Variants in FSTL4 observed in about 807,000 individuals in gnomAD.
FSTL4 encodes the protein follistatin-related protein 4.
In FSTL4, 28 loss-of-function variants were observed where a neutral mutation model predicts 78.2. That is an observed-to-expected ratio of 0.36 (90% CI 0.27 to 0.49). FSTL4 has a LOEUF of 0.49. Among genes scored for constraint, FSTL4 ranks in the 20% least tolerant of loss-of-function variants. The probability of loss-of-function intolerance (pLI) is 0.98; values close to 1 mark genes in which losing one functional copy is unlikely to be tolerated. For missense variants in FSTL4, 922 were observed against 1,084.9 expected, an observed-to-expected ratio of 0.85 and a Z score of 2.11; for synonymous variants, 422 against 440.5, an observed-to-expected ratio of 0.96 and a Z score of 0.53.
rs765284669 is a variant in FSTL4 at position 133,217,259 on chromosome 5, C to T, written c.1578G>A (p.Val526=). The change falls in exon 13 of 16, where the codon GTG becomes GTA. Residue 526 remains valine (V), a synonymous_variant. Transcript: ENST00000265342. ...VAQPALSRVL[V]VDIQAQKVLQ... is the part of the protein sequence containing the mutation. The stretch of plus-strand genomic sequence containing the variant: ...GGACTTTCTGGGCTTGGATGTCGAC[C>T]ACAAGGACTCTGCTCAGTGCTGGCT... 4.3e-6 allele frequency: 7 copies of T among 1,614,050 alleles called. No individual in the cohort carries two copies. The highest frequency in any genetic ancestry group is 1.1e-5 in the South Asian group (1 of 91,056).
At chr5:133,320,879 C>T (rs1179802643) in intron 4 of FSTL4, among the ~76,000 whole-genome samples, 9 of 151,814 alleles carry the variant, frequency 5.9e-5, no homozygotes, top group Admixed American at 2.0e-4. Flanking sequence ...TGGTGGCGGG[C>T]GCCTGTGGTC....
the FSTL4 span, among the ~76,000 whole-genome samples, chr5:133,793,144 C>T: frequency 6.6e-6 from 1 of 152,220 alleles, no homozygotes; most frequent in Non-Finnish European, 1.5e-5. Flanking sequence ...CCCTCAGGCT[C>T]TACATCCCTG....
the FSTL4 span, among the ~76,000 whole-genome samples, chr5:133,745,560 G>T: frequency 6.6e-6 from 1 of 152,202 alleles, no homozygotes; most frequent in Non-Finnish European, 1.5e-5. Context: ...AGTATAGCAG[G>T]TGGGCTGAAT....
At chr5:133,415,884 C>G (rs1004766256) in intron 3 of FSTL4, among the ~76,000 whole-genome samples, 1 of 152,288 alleles carries the variant, frequency 6.6e-6, no homozygotes, top group Middle Eastern at 3.4e-3. Flanking sequence ...TGTGGTTGGA[C>G]TGGCATTGGA....
chr5:133,689,352 A>G, the FSTL4 span, among the ~76,000 whole-genome samples: 1 of 152,026 alleles, frequency 6.6e-6, no homozygotes, highest in Non-Finnish European at 1.5e-5. Flanking sequence ...TGAACCCCAA[A>G]CTCGAGAGCA....
intron 8 of FSTL4, among the ~76,000 whole-genome samples, chr5:133,230,048 T>A (rs1183283328): frequency 6.6e-6 from 1 of 152,238 alleles, no homozygotes; most frequent in Non-Finnish European, 1.5e-5. Flanking sequence ...CCTGTCCTTT[T>A]ACTGGCGGTG....
At position 133,225,379 on chromosome 5, in the gene FSTL4, C is replaced by T; in HGVS notation, c.1178-95G>A. On this transcript the variant is annotated intron_variant, in intron 9 of 15. Coordinates refer to ENST00000265342, the MANE Select transcript of FSTL4 (RefSeq NM_015082.2). The surrounding 1 kb of genome is among the most constrained non-coding windows in gnomAD (Gnocchi z 4.6). ...TTGAGAGTGTTAGGGCTGCCCAGCC[C>T]CTGGGCAGCCAGCAGCCCTGATTAT... 1 of 1,444,226 alleles carries T rather than the reference C, an allele frequency of 6.9e-7. No individual in the cohort carries two copies. Among genetic ancestry groups the T allele is most frequent in the Non-Finnish European group, 9.6e-7 (1 of 1,042,752 alleles). 89.5% of individuals were successfully genotyped at this position (1,444,226 alleles called of 1,614,324 possible).
chr5:133,838,095 CA>C, the FSTL4 span, among the ~76,000 whole-genome samples: 1 of 152,062 alleles, frequency 6.6e-6, no homozygotes, highest in Non-Finnish European at 1.5e-5. Context: ...ACCATGTTGG[CA>C]AAGCTGGTCT....
At chr5:133,316,410 G>A in intron 5 of FSTL4, 49 bp downstream of exon 5, 2 of 1,488,916 alleles carry the variant, frequency 1.3e-6, no homozygotes, top group Non-Finnish European at 1.9e-6. Flanking sequence ...GTGGGAAATG[G>A]AAAACTGGAT....
chr5:133,394,519 G>GC (rs1755948798), intron 4 of FSTL4, among the ~76,000 whole-genome samples: 1 of 152,236 alleles, frequency 6.6e-6, no homozygotes, highest in African/African-American at 2.4e-5. Context: ...CGGAGGGTGC[G>GC]CCAGGTCCCC....
the FSTL4 span, among the ~76,000 whole-genome samples, chr5:133,663,701 G>A: frequency 6.6e-6 from 1 of 152,262 alleles, no homozygotes; most frequent in Non-Finnish European, 1.5e-5. Context: ...GGATAGAGAA[G>A]TTTGAGCAAG....
intron 3 of FSTL4, among the ~76,000 whole-genome samples, chr5:133,449,018 C>T (rs1757328174): frequency 6.6e-6 from 1 of 151,022 alleles, no homozygotes; most frequent in African/African-American, 2.4e-5. Flanking sequence ...CCTTCAGGCG[C>T]ATATATATAT....
intron 2 of FSTL4, among the ~76,000 whole-genome samples, chr5:133,569,952 G>C (rs927774026): frequency 2.0e-5 from 3 of 152,110 alleles, no homozygotes; most frequent in African/African-American, 7.2e-5. Flanking sequence ...GCTCTCACCT[G>C]TAATCCCAGC....
chr5:133,546,438 G>A (rs149338645), intron 3 of FSTL4, among the ~76,000 whole-genome samples: 13 of 149,206 alleles, frequency 8.7e-5, no homozygotes, highest in Middle Eastern at 3.5e-3. Context: ...CCCAGGAGAC[G>A]GAGGTTGCAG....
intron 3 of FSTL4, among the ~76,000 whole-genome samples, chr5:133,441,024 C>T (rs569675196): frequency 1.1e-4 from 16 of 152,276 alleles, no homozygotes; most frequent in Middle Eastern, 3.4e-3. Context: ...GATGTGGTTC[C>T]TCTGAAATCA....
At chr5:133,642,102 A>G in the FSTL4 span, among the ~76,000 whole-genome samples, 1 of 152,168 alleles carries the variant, frequency 6.6e-6, no homozygotes, top group Non-Finnish European at 1.5e-5. Flanking sequence ...GTGTAACCTG[A>G]TTTCACCAGT....
At chr5:133,482,324 C>A (rs1212404785) in intron 3 of FSTL4, among the ~76,000 whole-genome samples, 1 of 152,146 alleles carries the variant, frequency 6.6e-6, no homozygotes, top group Non-Finnish European at 1.5e-5. Context: ...ACCCTAGCAT[C>A]AATGCTGCAG....
the FSTL4 span, among the ~76,000 whole-genome samples, chr5:133,689,848 G>A: frequency 2.6e-5 from 4 of 152,138 alleles, no homozygotes; most frequent in Non-Finnish European, 5.9e-5. Context: ...ATCACCTGAG[G>A]TCAGGTGTTC....
intron 3 of FSTL4, among the ~76,000 whole-genome samples, chr5:133,418,749 T>C (rs1041265307): frequency 2.0e-5 from 3 of 152,208 alleles, no homozygotes; most frequent in African/African-American, 7.2e-5. Flanking sequence ...CACACCTTCA[T>C]TGAAGTATAA....
Sources: allele counts gnomAD v4.1 joint callset (sites outside exome capture counted in the v4.1 genomes callset), GRCh38; gene constraint gnomAD v4.1.1; non-coding constraint Gnocchi (gnomAD v3.1); transcripts MANE v1.5; gene names NCBI Gene and HGNC (gene_info 2026-07-23, HGNC 2026-07-21).